DOCK2: variants seen among roughly 807,000 people sequenced by gnomAD.
DOCK2 encodes the protein dedicator of cytokinesis protein 2.
Under a neutral mutation model 248.9 loss-of-function variants are expected in DOCK2, and 87 were observed. That is an observed-to-expected ratio of 0.35 (90% CI 0.29 to 0.42). The LOEUF (loss-of-function observed/expected upper bound fraction) is 0.42, where lower values mean the gene tolerates loss of function less well. Ranked by LOEUF, DOCK2 falls within the 10% of genes least tolerant of loss-of-function variation. The probability of loss-of-function intolerance (pLI) is 1.00; values close to 1 mark genes in which losing one functional copy is unlikely to be tolerated. For synonymous variants in DOCK2, 805 were observed against 821.6 expected (o/e 0.98, Z 0.35); for missense variants, 1,747 against 2,300.2 (o/e 0.76, Z 4.92).
chr5:170,040,475 G>A (rs564826256), intron 36 of DOCK2, among the ~76,000 whole-genome samples: 13 of 152,198 alleles, frequency 8.5e-5, no homozygotes, highest in African/African-American at 1.7e-4. Flanking sequence ...CTCCAGCCCC[G>A]ATCCACTTCC....
intron 14 of DOCK2, among the ~76,000 whole-genome samples, chr5:169,703,524 G>A (rs1043457549): frequency 1.1e-4 from 16 of 152,170 alleles, no homozygotes; most frequent in African/African-American, 3.6e-4. Flanking sequence ...GCCCGTACAT[G>A]TAGCAAAATT....
intron 26 of DOCK2, among the ~76,000 whole-genome samples, chr5:169,818,279 A>G (rs553162900): frequency 6.6e-6 from 1 of 152,344 alleles, no homozygotes; most frequent in South Asian, 2.1e-4. Flanking sequence ...TCATCTGGAT[A>G]GTAACCCCTA....
At chr5:169,700,174 C>T in intron 13 of DOCK2, 35 bp downstream of exon 13, 1 of 1,601,496 alleles carries the variant, frequency 6.2e-7, no homozygotes, top group Non-Finnish European at 8.5e-7. Context: ...CCCCTGGGGA[C>T]ATAGGGGCCA....
At chr5:169,677,481 T>G (rs1345412442) in intron 6 of DOCK2, among the ~76,000 whole-genome samples, 1 of 152,186 alleles carries the variant, frequency 6.6e-6, no homozygotes, top group African/African-American at 2.4e-5. Context: ...CACCCCAAAG[T>G]GTACATGGGA....
chr5:169,747,274 C>G, intron 22 of DOCK2, 122 bp from the exon 23 acceptor site: 1 of 792,656 alleles, frequency 1.3e-6, no homozygotes, highest in Non-Finnish European at 2.0e-6. Context: ...TCCTCTCCTC[C>G]TTGAAGTCCC....
chr5:169,893,748 G>C (rs1773429959), intron 27 of DOCK2, among the ~76,000 whole-genome samples: 1 of 152,186 alleles, frequency 6.6e-6, no homozygotes, highest in South Asian at 2.1e-4. Context: ...GCTGTGAACA[G>C]ATTTACTCAT....
At chr5:170,022,611 C>T (rs541636288) in intron 33 of DOCK2, among the ~76,000 whole-genome samples, 1 of 152,246 alleles carries the variant, frequency 6.6e-6, no homozygotes, top group South Asian at 2.1e-4. Context: ...GCAAGAGGGC[C>T]TTAGGTGGAC....
In DOCK2 at chr5:169,763,110, A is replaced by G. The variant is rs1029222680; in HGVS notation, c.2554+1485A>G. Among the ~76,000 whole-genome samples the G allele has an allele frequency of 6.6e-6, 1 of 152,218 alleles. No individual in the cohort carries two copies. Among genetic ancestry groups the G allele is most frequent in the Non-Finnish European group, 1.5e-5 (1 of 68,028 alleles). ...GTGACAACAGATTAATCCAATAAATATGTAGTTTGTTTGAGCCAGGTGGTT... is the reference window on the plus strand; with the variant it reads ...GTGACAACAGATTAATCCAATAAATGTGTAGTTTGTTTGAGCCAGGTGGTT... On this transcript the variant is annotated intron_variant, in intron 25 of 51. Coordinates refer to ENST00000520908, the MANE Select transcript of DOCK2 (RefSeq NM_004946.3). This position sits in a 1 kb window ranked among gnomAD's most constrained non-coding sequence, Gnocchi z 4.1.
rs55987604 is a variant in DOCK2, at chr5:169,810,989, TCACACACACACA to T, written c.2703+7807_2703+7818del. ...CACACAGACTCTCTCTCTCTCTCTCTCACACACACACACACACACACACACACACACACACTC... is the reference window on the plus strand; with the variant it reads ...CACACAGACTCTCTCTCTCTCTCTCTCACACACACACACACACACACACTC... On this transcript the variant is annotated intron_variant, in intron 26 of 51. Coordinates refer to ENST00000520908, the MANE Select transcript of DOCK2 (RefSeq NM_004946.3). 4.4e-4 allele frequency among the ~76,000 whole-genome samples: 43 copies of T among 97,320 alleles called. No individual in the cohort carries two copies. In the South Asian group the frequency reaches 0.016, roughly 36 times the overall value. 63.8% of individuals were successfully genotyped at this position (97,320 alleles called of 152,430 possible).
chr5:169,812,226 C>T (rs570531890), intron 26 of DOCK2, among the ~76,000 whole-genome samples: 24 of 152,194 alleles, frequency 1.6e-4, no homozygotes, highest in African/African-American at 4.3e-4. Context: ...AGATCAGCGA[C>T]GGCATTAAAT....
intron 22 of DOCK2, among the ~76,000 whole-genome samples, chr5:169,742,146 C>T (rs1485330536): frequency 6.6e-6 from 1 of 152,008 alleles, no homozygotes; most frequent in Non-Finnish European, 1.5e-5. Flanking sequence ...CAGTGTGGTG[C>T]CTGGCATGTA....
chr5:169,699,547 G>A, intron 12 of DOCK2, 89 bp downstream of exon 12: 9 of 1,290,584 alleles, frequency 7.0e-6, no homozygotes, highest in African/African-American at 1.5e-5. Flanking sequence ...CTGAACCCTG[G>A]GATACTTAGC....
chr5:170,037,233 T>C (rs1756351816), intron 36 of DOCK2, among the ~76,000 whole-genome samples: 1 of 151,978 alleles, frequency 6.6e-6, no homozygotes, highest in Non-Finnish European at 1.5e-5. Context: ...GACTTTTTTA[T>C]ATTTATATAT....
chr5:169,921,050 A>G (rs1775147205), intron 27 of DOCK2, among the ~76,000 whole-genome samples: 6 of 152,190 alleles, frequency 3.9e-5, no homozygotes, highest in Admixed American at 3.9e-4. Flanking sequence ...TTATTTTCCA[A>G]TTCCTTCTGG....
Position 169,702,423 on chromosome 5 carries a change from T to C in DOCK2, c.1379T>C (p.Leu460Pro). 6.2e-7 allele frequency: 1 copy of C among 1,613,722 alleles called. No individual in the cohort carries two copies. The highest frequency in any genetic ancestry group is 8.5e-7 in the Non-Finnish European group (1 of 1,179,742). ...MCVCAEDGKT[L>P]PNAICVGAGD... ...GTGTGCGCGGAGGATGGCAAAACGCTGCCTGTAAGGGACTCACTGCTGCTC... is the reference window on the plus strand; with the variant it reads ...GTGTGCGCGGAGGATGGCAAAACGCCGCCTGTAAGGGACTCACTGCTGCTC... The change falls in exon 14 of 52, where the codon CTG (leucine) becomes CCG (proline). Residue 460 changes from leucine (L) to proline (P), a missense_variant. Physicochemically the swap from Leu to Pro is moderately conservative, Grantham distance 98. Around this residue, in one of 4 missense-constraint regions of DOCK2, gnomAD observed 858 missense variants for 1,183.5 expected, o/e 0.72. Transcript: ENST00000520908.
At chr5:169,911,193 A>G (rs1227756925) in intron 27 of DOCK2, among the ~76,000 whole-genome samples, 1 of 152,162 alleles carries the variant, frequency 6.6e-6, no homozygotes, top group Non-Finnish European at 1.5e-5. Flanking sequence ...TTGATTTAAC[A>G]GGTCAGGTAT....
chr5:169,888,376 C>T (rs1016606433), intron 27 of DOCK2, among the ~76,000 whole-genome samples: 9 of 152,184 alleles, frequency 5.9e-5, no homozygotes, highest in African/African-American at 9.7e-5. Flanking sequence ...AGCTGCCCTA[C>T]GGCTGGAATT....
At chr5:169,740,516 A>G (rs566112600) in intron 22 of DOCK2, among the ~76,000 whole-genome samples, 15 of 152,320 alleles carry the variant, frequency 9.8e-5, no homozygotes, top group African/African-American at 2.6e-4. Context: ...TCCCACCCCA[A>G]ATGTCAGGCT....
intron 27 of DOCK2, among the ~76,000 whole-genome samples, chr5:169,939,268 G>A (rs1212345573): frequency 6.7e-6 from 1 of 150,300 alleles, no homozygotes; most frequent in African/African-American, 2.5e-5. Context: ...ACACACAGGA[G>A]CCTAGGTCTA....
Sources: gnomAD v4.1 joint callset for allele counts (sites outside exome capture counted in the v4.1 genomes callset) on GRCh38, gnomAD v4.1.1 for gene constraint, gnomAD v4.1.1 regional missense constraint, Gnocchi (gnomAD v3.1) non-coding constraint, MANE v1.5 for transcripts, NCBI Gene and HGNC (gene_info 2026-07-23, HGNC 2026-07-21) for gene names.